Variants in TRPM7 observed in about 807,000 individuals in gnomAD.
TRPM7 encodes the protein transient receptor potential cation channel subfamily M member 7.
A neutral mutation model predicts 229.7 loss-of-function variants in TRPM7; 134 were observed. The ratio of observed to expected loss-of-function variants is 0.58; its 90% CI spans 0.51 to 0.67. The LOEUF is 0.67. Ranked by LOEUF, TRPM7 falls within the 30% of genes least tolerant of loss-of-function variation. TRPM7 has a pLI of 0.00. For synonymous variants in TRPM7, 699 were observed against 715.2 expected (o/e 0.98, Z 0.36); for missense variants, 1,901 against 2,210.0 (o/e 0.86, Z 2.80).
At chr15:50,568,027 G>A (rs8036325) in intron 38 of TRPM7, among the ~76,000 whole-genome samples, 2,041 of 147,824 alleles carry the variant, frequency 0.014, 44 homozygotes, top group African/African-American at 0.049. Context: ...TGCAGTGAGC[G>A]GAGACCACAC....
At chr15:50,620,132 T>A (rs566815120) in intron 12 of TRPM7, among the ~76,000 whole-genome samples, 35 of 152,322 alleles carry the variant, frequency 2.3e-4, no homozygotes, top group Non-Finnish European at 4.1e-4. Context: ...GTTCCTCTGT[T>A]TCTGTCACTA....
chr15:50,563,720 GC>G (rs1472814746), intron 38 of TRPM7, among the ~76,000 whole-genome samples: 1 of 152,210 alleles, frequency 6.6e-6, no homozygotes, highest in Non-Finnish European at 1.5e-5. Context: ...TTTATAGCAA[GC>G]CTGCCCGACC....
intron 23 of TRPM7, among the ~76,000 whole-genome samples, chr15:50,595,282 G>A (rs1306580028): frequency 6.6e-6 from 1 of 151,158 alleles, no homozygotes; most frequent in African/African-American, 2.4e-5. Context: ...TGAGGAAACA[G>A]GCCTATTTAG....
intron 5 of TRPM7, among the ~76,000 whole-genome samples, chr15:50,640,800 C>T (rs1161252538): frequency 1.3e-5 from 2 of 151,924 alleles, no homozygotes; most frequent in African/African-American, 4.8e-5. Flanking sequence ...AATCTGAATA[C>T]AAAAGGAAAC....
intron 24 of TRPM7, 129 bp downstream of exon 24, chr15:50,594,300 C>T (rs1381381620): frequency 3.7e-6 from 3 of 806,840 alleles, no homozygotes; most frequent in African/African-American, 1.7e-5. Context: ...TATGTACAGG[C>T]ATATTTAACA....
intron 13 of TRPM7, among the ~76,000 whole-genome samples, chr15:50,616,829 T>A (rs1033932330): frequency 6.6e-6 from 1 of 152,084 alleles, no homozygotes; most frequent in Non-Finnish European, 1.5e-5. Flanking sequence ...TACAGGCACA[T>A]GCCACCACAC....
intron 1 of TRPM7, among the ~76,000 whole-genome samples, chr15:50,679,909 T>C (rs1240903845): frequency 1.3e-5 from 2 of 152,058 alleles, no homozygotes. Flanking sequence ...CTACTAAGGA[T>C]TGCCCCAGAG....
intron 12 of TRPM7, among the ~76,000 whole-genome samples, chr15:50,622,759 A>T (rs762710602): frequency 2.0e-5 from 3 of 152,018 alleles, no homozygotes; most frequent in Non-Finnish European, 2.9e-5. Context: ...GGTGGCATGC[A>T]CCTGTAATCC....
At position 50,634,529 on chromosome 15, in the gene TRPM7, G is replaced by A; in HGVS notation, c.860C>T (p.Ala287Val). The change falls in exon 8 of 39, where the codon GCA becomes GTA. Residue 287 changes from alanine (A) to valine (V), a missense_variant. This residue lies in a region of TRPM7 where 794 missense variants were observed against 881.9 expected (regional missense o/e 0.90). Coordinates refer to ENST00000646667, the MANE Select transcript of TRPM7 (RefSeq NM_017672.6). ...ATTTGGCCCACCCTCAAATATAAGT[G>A]CCACCACAGGGACACCCTGGCCAAT... ...ARIGQGVPVV[A>V]LIFEGGPNVI... 6.6e-7 allele frequency: 1 copy of A among 1,515,488 alleles called. No homozygotes were observed. The highest frequency in any genetic ancestry group is 8.8e-7 in the Non-Finnish European group (1 of 1,135,852). The allele number at this position is 1,515,488 out of a possible 1,614,324, so 93.9% of individuals were successfully genotyped here.
chr15:50,613,331 G>C (rs2060116481), intron 15 of TRPM7, among the ~76,000 whole-genome samples: 1 of 151,936 alleles, frequency 6.6e-6, no homozygotes, highest in South Asian at 2.1e-4. Context: ...GTGAAACCCA[G>C]TCTCTACTAA....
chr15:50,679,266 T>C (rs1406207483), intron 1 of TRPM7, among the ~76,000 whole-genome samples: 30 of 150,510 alleles, frequency 2.0e-4, no homozygotes, highest in Admixed American at 1.9e-3. Flanking sequence ...GCCTAGGAGG[T>C]TGGGAATACA....
intron 1 of TRPM7, among the ~76,000 whole-genome samples, chr15:50,672,366 ATT>A (rs879888255): frequency 6.9e-6 from 1 of 145,396 alleles, no homozygotes. Flanking sequence ...ACTCCTACCT[ATT>A]TTTTTTTTTA....
chr15:50,663,150 C>CAA, intron 1 of TRPM7, 104 bp from the exon 2 acceptor site: 1 of 864,078 alleles, frequency 1.2e-6, no homozygotes. Flanking sequence ...TTTTTTGAGA[C>CAA]AGAGTTTTGC....
At chr15:50,589,312 T>C (rs1011645371) in intron 27 of TRPM7, among the ~76,000 whole-genome samples, 2 of 105,898 alleles carry the variant, frequency 1.9e-5, no homozygotes, top group Non-Finnish European at 3.5e-5. Flanking sequence ...ACAGCGAGAC[T>C]CCGTCTCAAA....
chr15:50,670,805 AAAAAG>A (rs1351372556), intron 1 of TRPM7, among the ~76,000 whole-genome samples: 1 of 133,946 alleles, frequency 7.5e-6, no homozygotes, highest in African/African-American at 2.9e-5. Context: ...TAAAAAAAAG[AAAAAG>A]AAAAAAAAAA....
chr15:50,599,302 A>G lies in TRPM7; in HGVS notation c.2989-6T>C. On this transcript the variant is annotated splice_polypyrimidine_tract_variant and splice_region_variant and intron_variant, in intron 21 of 38. Transcript: ENST00000646667. ...ATGTAGAACATATTGGCCACCTGTTAAAAAATGAACACTGTTAAAATACAA... is the reference window on the plus strand; with the variant it reads ...ATGTAGAACATATTGGCCACCTGTTGAAAAATGAACACTGTTAAAATACAA... The G allele has an allele frequency of 6.3e-7, 1 of 1,588,424 alleles. No homozygotes were observed.
chr15:50,668,815 GATATTT>G (rs2061934766), intron 1 of TRPM7, among the ~76,000 whole-genome samples: 1 of 152,028 alleles, frequency 6.6e-6, no homozygotes, highest in African/African-American at 2.4e-5. Context: ...GCCTACAATA[GATATTT>G]GTATAAGTGC....
chr15:50,619,346 G>GAGT (rs2060322895), intron 13 of TRPM7, among the ~76,000 whole-genome samples: 1 of 150,974 alleles, frequency 6.6e-6, no homozygotes, highest in African/African-American at 2.4e-5. Flanking sequence ...TCAGCCTCCC[G>GAGT]AGTAGCTGGT....
intron 1 of TRPM7, among the ~76,000 whole-genome samples, chr15:50,665,108 A>G (rs1370493230): frequency 3.3e-5 from 5 of 152,220 alleles, no homozygotes; most frequent in Non-Finnish European, 5.9e-5. Flanking sequence ...AGGCATTTAT[A>G]AAAATTAATC....
Sources: allele counts gnomAD v4.1 joint callset (sites outside exome capture counted in the v4.1 genomes callset), GRCh38; gene constraint gnomAD v4.1.1; regional missense constraint gnomAD v4.1.1; transcripts MANE v1.5; gene names NCBI Gene and HGNC (gene_info 2026-07-23, HGNC 2026-07-21).